The following CNTN5 variants were observed in gnomAD, a reference collection of about 807,000 sequenced individuals.
CNTN5 encodes the protein contactin 5.
Under a neutral mutation model 129.1 loss-of-function variants are expected in CNTN5, and 77 were observed. The observed-to-expected ratio is 0.60, with a 90% CI of 0.50 to 0.72. The LOEUF (loss-of-function observed/expected upper bound fraction) is 0.72, where lower values mean the gene tolerates loss of function less well. CNTN5 is among the 30% of genes least tolerant of loss of function. The pLI is 0.00. For missense variants in CNTN5, 1,478 were observed against 1,328.8 expected (o/e 1.11, Z -1.75); for synonymous variants, 509 against 465.6 (o/e 1.09, Z -1.20).
intron 3 of CNTN5, among the ~76,000 whole-genome samples, chr11:99,796,271 C>G (rs1041646546): frequency 6.6e-6 from 1 of 152,080 alleles, no homozygotes; most frequent in African/African-American, 2.4e-5. Flanking sequence ...AATGGTGGCA[C>G]AGTCAGGGAG....
chr11:99,216,555 G>A (rs1860126308), intron 1 of CNTN5, among the ~76,000 whole-genome samples: 1 of 151,916 alleles, frequency 6.6e-6, no homozygotes, highest in Non-Finnish European at 1.5e-5. Flanking sequence ...ATCATATGCT[G>A]GATAATATAA....
At chr11:99,126,832 G>C (rs1858659895) in intron 1 of CNTN5, among the ~76,000 whole-genome samples, 1 of 152,032 alleles carries the variant, frequency 6.6e-6, no homozygotes, top group African/African-American at 2.4e-5. Flanking sequence ...CCTCTTTGCT[G>C]TATTATCTTC....
chr11:99,920,401 T>C (rs980587358), intron 7 of CNTN5, among the ~76,000 whole-genome samples: 2 of 152,110 alleles, frequency 1.3e-5, no homozygotes, highest in African/African-American at 4.8e-5. Flanking sequence ...ATCTAAAATC[T>C]CCCTAACATA....
At chr11:99,872,127 T>C (rs1948518581) in intron 6 of CNTN5, among the ~76,000 whole-genome samples, 2 of 152,028 alleles carry the variant, frequency 1.3e-5, no homozygotes, top group African/African-American at 4.8e-5. Flanking sequence ...AGCAATACTT[T>C]TGAAATATAT....
intron 3 of CNTN5, among the ~76,000 whole-genome samples, chr11:99,746,379 T>C (rs563711454): frequency 6.6e-6 from 1 of 152,348 alleles, no homozygotes; most frequent in Admixed American, 6.5e-5. Context: ...CAACTGACAG[T>C]AAATGCTTAG....
intron 20 of CNTN5, among the ~76,000 whole-genome samples, chr11:100,308,062 T>C (rs1591500697): frequency 6.6e-6 from 1 of 151,726 alleles, no homozygotes; most frequent in East Asian, 1.9e-4. Flanking sequence ...TTTATAGGAA[T>C]TATGCTAGAC....
At chr11:99,184,931 G>A (rs991856856) in intron 1 of CNTN5, among the ~76,000 whole-genome samples, 4 of 151,590 alleles carry the variant, frequency 2.6e-5, no homozygotes, top group Non-Finnish European at 4.4e-5. Context: ...CGTGTATAAC[G>A]TTTAAATAAT....
At chr11:99,849,443 A>G (rs900453021) in intron 6 of CNTN5, among the ~76,000 whole-genome samples, 5 of 151,982 alleles carry the variant, frequency 3.3e-5, no homozygotes, top group African/African-American at 1.2e-4. Context: ...AACCAGAAAT[A>G]TATTTTAAAA....
chr11:100,009,451 TA>T (rs35373665), intron 9 of CNTN5, among the ~76,000 whole-genome samples: 63,609 of 148,530 alleles, frequency 0.43, 15,056 homozygotes, highest in East Asian at 0.7. Flanking sequence ...CAGCAAAGTG[TA>T]AAAAAAAAAA....
At position 99,715,616 on chromosome 11, in the gene CNTN5, G is replaced by A. The variant is rs1955185270; in HGVS notation, c.56-103928G>A. On this transcript the variant is annotated intron_variant, in intron 3 of 24. Coordinates refer to ENST00000524871, the MANE Select transcript of CNTN5 (RefSeq NM_014361.4). Reference sequence around the variant, plus strand: ...CAAAATGTCTAGGATGATGTTGCAAGGAGTAATAAACAAAAAGAAAGATCA... The same window carrying A: ...CAAAATGTCTAGGATGATGTTGCAAAGAGTAATAAACAAAAAGAAAGATCA... 2.6e-5 allele frequency among the ~76,000 whole-genome samples: 4 copies of A among 151,892 alleles called. No individual in the cohort carries two copies. The South Asian group carries it at 8.3e-4, about 31-fold the overall frequency.
intron 1 of CNTN5, among the ~76,000 whole-genome samples, chr11:99,050,879 AG>A (rs1412930604): frequency 6.6e-6 from 1 of 151,898 alleles, no homozygotes; most frequent in Non-Finnish European, 1.5e-5. Context: ...TTTTAAATTC[AG>A]CTCAGTCTAT....
intron 3 of CNTN5, among the ~76,000 whole-genome samples, chr11:99,625,438 C>T (rs7112340): frequency 2.9e-3 from 442 of 152,262 alleles, no homozygotes; most frequent in African/African-American, 0.01. Context: ...GGAGGTTCTA[C>T]TAATACTGGT....
At chr11:99,227,901 T>A (rs1479916552) in intron 1 of CNTN5, among the ~76,000 whole-genome samples, 4 of 152,188 alleles carry the variant, frequency 2.6e-5, no homozygotes, top group African/African-American at 4.8e-5. Context: ...TGAGTATGTA[T>A]CTATATTGAT....
At chr11:99,433,873 G>T (rs1943496999) in intron 2 of CNTN5, among the ~76,000 whole-genome samples, 1 of 152,092 alleles carries the variant, frequency 6.6e-6, no homozygotes. Context: ...GATGACACAG[G>T]GATACAGCTG....
At chr11:99,586,391 C>T (rs926443270) in intron 3 of CNTN5, among the ~76,000 whole-genome samples, 14 of 152,228 alleles carry the variant, frequency 9.2e-5, no homozygotes, top group African/African-American at 3.4e-4. Flanking sequence ...CATGTTTTAC[C>T]CTTTCTCTAA....
chr11:99,903,055 G>T (rs1949400373), intron 6 of CNTN5, among the ~76,000 whole-genome samples: 1 of 151,972 alleles, frequency 6.6e-6, no homozygotes, highest in South Asian at 2.1e-4. Flanking sequence ...GCTTATAAGA[G>T]AAAAAATGCA....
At chr11:99,280,609 A>G (rs747661440) in intron 1 of CNTN5, among the ~76,000 whole-genome samples, 2 of 151,770 alleles carry the variant, frequency 1.3e-5, no homozygotes, top group Non-Finnish European at 2.9e-5. Context: ...CTGAAATTTT[A>G]TAGCTATAGA....
chr11:99,338,919 G>GATATAT lies in CNTN5; in HGVS notation c.-71+13458_-71+13463dup, dbSNP rs10534485. On this transcript the variant is annotated intron_variant, in intron 2 of 24. Coordinates refer to ENST00000524871, the MANE Select transcript of CNTN5 (RefSeq NM_014361.4). ...ATTTTATGTATTTTGTTCATTCACA[G>GATATAT]ATATATATATATATATATATATATA... 6.2e-3 allele frequency among the ~76,000 whole-genome samples: 782 copies of GATATAT among 126,948 alleles called. 7 individuals are homozygous for GATATAT. The highest frequency in any genetic ancestry group is 0.037 in the East Asian group (160 of 4,316). 83.3% of individuals were successfully genotyped at this position (126,948 alleles called of 152,430 possible). A position where few individuals can be genotyped will look rare whatever the true frequency, so the allele number is the denominator to read the frequency against.
At chr11:100,118,363 A>C (rs997763264) in intron 13 of CNTN5, among the ~76,000 whole-genome samples, 2 of 151,850 alleles carry the variant, frequency 1.3e-5, no homozygotes, top group African/African-American at 4.8e-5. Context: ...TCAAAAAAAG[A>C]TGTGAAAGGC....
Sources: gnomAD v4.1 joint callset for allele counts (sites outside exome capture counted in the v4.1 genomes callset) on GRCh38, gnomAD v4.1.1 for gene constraint, MANE v1.5 for transcripts, NCBI Gene and HGNC (gene_info 2026-07-23, HGNC 2026-07-21) for gene names.